The following ELMO1 variants were observed in gnomAD, a reference collection of about 807,000 sequenced individuals.
The protein encoded by ELMO1 is engulfment and cell motility 1, also known as engulfment and cell motility protein 1.
ELMO1 carries 26 observed loss-of-function variants against 98.9 expected under a neutral mutation model. That is an observed-to-expected ratio of 0.26 (90% confidence interval 0.19 to 0.36). The LOEUF is 0.36. Ranked by LOEUF, ELMO1 falls within the 10% of genes least tolerant of loss-of-function variation. ELMO1 has a pLI of 1.00. For synonymous variants in ELMO1, 346 were observed against 346.0 expected, an observed-to-expected ratio of 1.00 and a Z score of 0.00; for missense variants, 627 against 935.2, an observed-to-expected ratio of 0.67 and a Z score of 4.30.
chr7:37,099,599 ACT>A (rs772962691), intron 14 of ELMO1, among the ~76,000 whole-genome samples: 1 of 151,776 alleles, frequency 6.6e-6, no homozygotes, highest in Non-Finnish European at 1.5e-5. Flanking sequence ...ACCAAAATAA[ACT>A]CTTTCTGCAT....
chr7:37,149,755 T>C (rs1351598026), intron 13 of ELMO1, among the ~76,000 whole-genome samples: 3 of 152,198 alleles, frequency 2.0e-5, no homozygotes, highest in Non-Finnish European at 4.4e-5. Context: ...ACCCATGAAT[T>C]AATCAGAAAA....
intron 1 of ELMO1, among the ~76,000 whole-genome samples, chr7:37,416,809 C>A (rs1021818371): frequency 6.6e-6 from 1 of 152,170 alleles, no homozygotes; most frequent in East Asian, 1.9e-4. Flanking sequence ...ATACTTGGAG[C>A]AAAATTAGTG....
intron 16 of ELMO1, among the ~76,000 whole-genome samples, chr7:36,963,712 T>C (rs1789166415): frequency 6.6e-6 from 1 of 152,204 alleles, no homozygotes; most frequent in Admixed American, 6.5e-5. Flanking sequence ...ATTTGTCACC[T>C]ATATGTCTAT....
At chr7:37,036,461 C>G (rs1795179956) in intron 15 of ELMO1, among the ~76,000 whole-genome samples, 1 of 152,186 alleles carries the variant, frequency 6.6e-6, no homozygotes, top group Non-Finnish European at 1.5e-5. Context: ...GCCTTGAACT[C>G]CTGGCTCAAG....
At chr7:37,445,409 T>C (rs1032774683) in intron 1 of ELMO1, among the ~76,000 whole-genome samples, 2 of 152,300 alleles carry the variant, frequency 1.3e-5, no homozygotes, top group Admixed American at 6.5e-5. Flanking sequence ...GTATCCACTG[T>C]CTTAGATCTG....
At chr7:37,084,958 T>A (rs142635993) in intron 15 of ELMO1, among the ~76,000 whole-genome samples, 1,592 of 152,166 alleles carry the variant, frequency 0.01, 27 homozygotes, top group African/African-American at 0.036. Flanking sequence ...GGTTTCACTA[T>A]GTTGGCCAGG....
intron 13 of ELMO1, among the ~76,000 whole-genome samples, chr7:37,194,089 T>G (rs1379661949): frequency 6.6e-6 from 1 of 152,196 alleles, no homozygotes; most frequent in African/African-American, 2.4e-5. Flanking sequence ...ACACACTCGA[T>G]GTATGTCCTG....
intron 6 of ELMO1, among the ~76,000 whole-genome samples, chr7:37,248,227 C>T (rs561851091): frequency 9.3e-4 from 141 of 151,438 alleles, no homozygotes; most frequent in Non-Finnish European, 1.7e-3. Flanking sequence ...TCTCAATATA[C>T]CTATTTTTTT....
chr7:37,008,316 T>C (rs1286856740), intron 16 of ELMO1, among the ~76,000 whole-genome samples: 2 of 152,260 alleles, frequency 1.3e-5, no homozygotes, highest in African/African-American at 2.4e-5. Flanking sequence ...TGCTGTTTTT[T>C]AGGTTGCTAC....
intron 4 of ELMO1, among the ~76,000 whole-genome samples, chr7:37,295,760 G>C (rs1327729833): frequency 6.6e-6 from 1 of 152,112 alleles, no homozygotes; most frequent in Non-Finnish European, 1.5e-5. Flanking sequence ...AAGAAGTATT[G>C]TATCAACATT....
intron 16 of ELMO1, among the ~76,000 whole-genome samples, chr7:36,911,773 C>T (rs914225918): frequency 6.6e-6 from 1 of 152,218 alleles, no homozygotes; most frequent in Admixed American, 6.5e-5. Flanking sequence ...TCTCCTTTCT[C>T]AAGAGCCCAC....
chr7:37,298,239 C>G (rs1481268284), intron 4 of ELMO1, among the ~76,000 whole-genome samples: 6 of 141,752 alleles, frequency 4.2e-5, no homozygotes, highest in Non-Finnish European at 9.1e-5. Context: ...ACCTGAACAT[C>G]AAAAAGGTAG....
intron 6 of ELMO1, among the ~76,000 whole-genome samples, chr7:37,256,349 C>T (rs1346382041): frequency 2.0e-5 from 3 of 152,066 alleles, no homozygotes; most frequent in African/African-American, 7.2e-5. Context: ...TGATGTTCTT[C>T]ACATTCAGTT....
At chr7:37,128,687 G>T (rs909866170) in intron 14 of ELMO1, among the ~76,000 whole-genome samples, 3 of 152,118 alleles carry the variant, frequency 2.0e-5, no homozygotes, top group Non-Finnish European at 4.4e-5. Context: ...AGGAACAAAA[G>T]CCATGATTCT....
intron 16 of ELMO1, among the ~76,000 whole-genome samples, chr7:36,915,734 C>T (rs1247773923): frequency 6.6e-6 from 1 of 152,176 alleles, no homozygotes; most frequent in African/African-American, 2.4e-5. Context: ...ACAGCTGAGT[C>T]ACAGCGAGTG....
At chr7:36,859,309 G>T (rs970435137) in intron 21 of ELMO1, among the ~76,000 whole-genome samples, 2 of 152,146 alleles carry the variant, frequency 1.3e-5, no homozygotes, top group African/African-American at 4.8e-5. Flanking sequence ...TGTGATCAGG[G>T]TATTGCAGTT....
chr7:37,196,869 T>C (rs1234005703), intron 13 of ELMO1, among the ~76,000 whole-genome samples: 3 of 152,190 alleles, frequency 2.0e-5, no homozygotes, highest in Admixed American at 2.0e-4. Context: ...AGATACTGCA[T>C]ATGGGAACTT....
chr7:37,419,554 T>C (rs1409418323), intron 1 of ELMO1: 2 of 152,238 alleles, frequency 1.3e-5, no homozygotes, highest in East Asian at 3.8e-4. Flanking sequence ...GCCATTTACA[T>C]AGAGGTGTCA....
chr7:37,039,135 A>G (rs1173032277), intron 15 of ELMO1, among the ~76,000 whole-genome samples: 4 of 152,220 alleles, frequency 2.6e-5, no homozygotes, highest in African/African-American at 9.6e-5. Flanking sequence ...CAATTTTTAA[A>G]AAAAAAAGAT....
Sources: allele counts gnomAD v4.1 joint callset (sites outside exome capture counted in the v4.1 genomes callset), GRCh38; gene constraint gnomAD v4.1.1; transcripts MANE v1.5; gene names NCBI Gene and HGNC (gene_info 2026-07-23, HGNC 2026-07-21).